Variants in RASGRF2 observed in about 807,000 individuals in gnomAD.
The protein encoded by RASGRF2 is ras-specific guanine nucleotide-releasing factor 2.
RASGRF2 carries 76 observed loss-of-function variants against 151.0 expected under a neutral mutation model. That is an observed-to-expected ratio of 0.50 (90% CI 0.42 to 0.61). The LOEUF is 0.61. Ranked by LOEUF, RASGRF2 falls within the 20% of genes least tolerant of loss-of-function variation. The pLI is 0.00. For synonymous variants in RASGRF2, 504 were observed against 566.5 expected (o/e 0.89, Z 1.57); for missense variants, 1,148 against 1,564.6 (o/e 0.73, Z 4.49).
intron 2 of RASGRF2, among the ~76,000 whole-genome samples, chr5:81,043,561 A>G (rs551303587): frequency 6.6e-6 from 1 of 152,368 alleles, no homozygotes; most frequent in East Asian, 1.9e-4. Flanking sequence ...ATGTGTGTAC[A>G]GGGTCTTAAA....
rs7709038 is a variant in RASGRF2, at chr5:80,980,048, A to G, written c.288+19022A>G. Among the ~76,000 whole-genome samples the G allele has an allele frequency of 7.5e-3, 1,134 of 152,174 alleles. 14 individuals are homozygous for G. Among genetic ancestry groups the G allele is most frequent in the African/African-American group, 0.026 (1,092 of 41,520 alleles). ...GGTTTTCATTTTTTCATATTCTTCC[A>G]TTTGGCTTAGAGAATGGCTTATTTG... is the stretch of plus-strand genomic sequence containing the variant. On this transcript the variant is annotated intron_variant, in intron 1 of 26. Transcript: ENST00000265080.
chr5:80,982,572 A>G (rs1192348216), intron 1 of RASGRF2, among the ~76,000 whole-genome samples: 1 of 65,202 alleles, frequency 1.5e-5, no homozygotes, highest in Non-Finnish European at 3.5e-5. Context: ...TGGGATAGAA[A>G]TTTGGTTCTA....
rs1755517045 is a variant in RASGRF2 at position 81,206,761 on chromosome 5, A to G, written c.2907-84A>G. On this transcript the variant is annotated intron_variant, in intron 19 of 26. Coordinates refer to ENST00000265080, the MANE Select transcript of RASGRF2 (RefSeq NM_006909.3). ...ACCCAAATCCTCAGACCTCCCATCC[A>G]GGGAAAACCAAACTGCATTTGTAGT... The G allele has an allele frequency of 4.2e-6, 5 of 1,203,866 alleles. No individual in the cohort carries two copies. In the African/African-American group the frequency reaches 7.5e-5, roughly 18 times the overall value. 74.6% of individuals were successfully genotyped at this position (1,203,866 alleles called of 1,614,324 possible). A position where few individuals can be genotyped will look rare whatever the true frequency, so the allele number is the denominator to read the frequency against.
At chr5:81,168,320 T>TTA (rs2112653177) in intron 17 of RASGRF2, among the ~76,000 whole-genome samples, 1 of 148,212 alleles carries the variant, frequency 6.7e-6, no homozygotes, top group Non-Finnish European at 1.5e-5. Context: ...TTTTTTTTTT[T>TTA]TTTTTTTTAA....
intron 12 of RASGRF2, among the ~76,000 whole-genome samples, chr5:81,104,414 C>T (rs1752788016): frequency 6.6e-6 from 1 of 151,892 alleles, no homozygotes; most frequent in Non-Finnish European, 1.5e-5. Context: ...CTCTTCTTTC[C>T]TATTTCGTAG....
At chr5:81,224,347 G>A (rs2112757178) in intron 26 of RASGRF2, among the ~76,000 whole-genome samples, 1 of 152,310 alleles carries the variant, frequency 6.6e-6, no homozygotes, top group Non-Finnish European at 1.5e-5. Context: ...TGTACTGTAG[G>A]TGCGGAAGCT....
intron 18 of RASGRF2, among the ~76,000 whole-genome samples, chr5:81,198,584 T>C (rs1004659016): frequency 2.0e-5 from 3 of 152,066 alleles, no homozygotes; most frequent in African/African-American, 4.8e-5. Context: ...GGATTACAGG[T>C]GACTGCCACC....
chr5:81,155,283 C>G, intron 17 of RASGRF2, among the ~76,000 whole-genome samples: 1 of 151,898 alleles, frequency 6.6e-6, no homozygotes, highest in East Asian at 1.9e-4. Context: ...ACAAAAGACA[C>G]CCTCAGAAAT....
chr5:81,188,397 A>G (rs996487182), intron 18 of RASGRF2, among the ~76,000 whole-genome samples: 1 of 152,202 alleles, frequency 6.6e-6, no homozygotes, highest in Non-Finnish European at 1.5e-5. Context: ...TGAGACTTCC[A>G]GTGCAGAAGT....
chr5:81,216,202 A>T (rs1755732117), intron 24 of RASGRF2, among the ~76,000 whole-genome samples: 2 of 152,200 alleles, frequency 1.3e-5, no homozygotes, highest in South Asian at 4.1e-4. Flanking sequence ...CCACCATAAT[A>T]AATCGGACTA....
chr5:81,050,048 A>G lies in RASGRF2; in HGVS notation c.395+7065A>G, dbSNP rs1750963041. The stretch of plus-strand genomic sequence containing the variant: ...TACTCTCCTGTACACTCAGTCACTC[A>G]AACCAGCAGGATATCATCCCCTGAC... On this transcript the variant is annotated intron_variant, in intron 2 of 26. Transcript: ENST00000265080. Among the ~76,000 whole-genome samples the G allele has an allele frequency of 1.3e-5, 2 of 152,276 alleles. 1 individual carries two copies. The highest frequency in any genetic ancestry group is 4.1e-4 in the South Asian group (2 of 4,820).
chr5:81,182,677 C>T (rs1754945263), intron 18 of RASGRF2, among the ~76,000 whole-genome samples: 1 of 152,178 alleles, frequency 6.6e-6, no homozygotes, highest in Admixed American at 6.5e-5. Context: ...CTCACACAGT[C>T]TTCGGGCCTC....
chr5:81,116,073 T>TTTTTG, intron 15 of RASGRF2, among the ~76,000 whole-genome samples: 1 of 84,244 alleles, frequency 1.2e-5, no homozygotes, highest in Non-Finnish European at 2.2e-5. Flanking sequence ...TTTCTTTTTT[T>TTTTTG]TTTTTTTTTT....
intron 1 of RASGRF2, among the ~76,000 whole-genome samples, chr5:81,018,956 C>T (rs1021578768): frequency 3.3e-5 from 5 of 152,016 alleles, no homozygotes; most frequent in Admixed American, 2.0e-4. Flanking sequence ...GCGCCCACCA[C>T]GCCCAGCTAA....
chr5:80,995,684 T>TTC (rs759339620), intron 1 of RASGRF2, among the ~76,000 whole-genome samples: 9,083 of 69,182 alleles, frequency 0.13, 781 homozygotes, highest in South Asian at 0.24. Context: ...TTCCTTTCCT[T>TTC]CCCCCCCCCT....
At chr5:81,180,507 C>T (rs939952994) in intron 18 of RASGRF2, among the ~76,000 whole-genome samples, 5 of 152,142 alleles carry the variant, frequency 3.3e-5, no homozygotes, top group East Asian at 3.9e-4. Flanking sequence ...CACAGTGAAA[C>T]GGGGCTCCTC....
chr5:81,036,846 T>A (rs976258865), intron 1 of RASGRF2, among the ~76,000 whole-genome samples: 2 of 152,192 alleles, frequency 1.3e-5, no homozygotes, highest in African/African-American at 4.8e-5. Flanking sequence ...GTTAATCCCT[T>A]TATTTGCAAA....
chr5:81,065,093 C>T (rs1286660712), intron 2 of RASGRF2, among the ~76,000 whole-genome samples: 1 of 152,128 alleles, frequency 6.6e-6, no homozygotes, highest in African/African-American at 2.4e-5. Flanking sequence ...CTTGCCCAGT[C>T]AAGCCTCAAG....
chr5:81,111,145 C>T (rs183408323), intron 13 of RASGRF2, among the ~76,000 whole-genome samples: 1 of 152,354 alleles, frequency 6.6e-6, no homozygotes, highest in Admixed American at 6.5e-5. Context: ...AAGGCATTCA[C>T]AACTGATTCT....
Sources: gnomAD v4.1 joint callset for allele counts (sites outside exome capture counted in the v4.1 genomes callset) on GRCh38, gnomAD v4.1.1 for gene constraint, MANE v1.5 for transcripts, NCBI Gene and HGNC (gene_info 2026-07-23, HGNC 2026-07-21) for gene names.